Variants in INTS13 observed in about 807,000 individuals in gnomAD.
The protein encoded by INTS13 is asunder, spermatogenesis regulator homolog (Drosphila).
INTS13 carries 35 observed loss-of-function variants against 90.2 expected under a neutral mutation model. The ratio of observed to expected loss-of-function variants is 0.39; its 90% CI spans 0.30 to 0.51. The LOEUF (loss-of-function observed/expected upper bound fraction) is 0.51. Ranked by LOEUF, INTS13 falls within the 20% of genes least tolerant of loss-of-function variation. The probability of loss-of-function intolerance (pLI) is 0.80; values close to 1 mark genes in which losing one functional copy is unlikely to be tolerated. For missense variants in INTS13, 601 were observed against 851.2 expected, an observed-to-expected ratio of 0.71 and a Z score of 3.66; for synonymous variants, 309 against 277.1, an observed-to-expected ratio of 1.11 and a Z score of -1.14.
Position 26,906,419 on chromosome 12 carries a change from GATA to G in INTS13, c.1961_1963del (p.Leu654del). ...AGTATTGATTCTATTACTCCACAAG[GATA>G]ATAACGACACTGGCCCTAGTGTTAT... On this transcript the variant is annotated inframe_deletion, in exon 16 of 17. Transcript: ENST00000261191. 6 of 1,607,126 alleles carry G rather than the reference GATA, an allele frequency of 3.7e-6. No individual in the cohort carries two copies. Among genetic ancestry groups the G allele is most frequent in the South Asian group, 1.1e-5 (1 of 90,202 alleles).
intron 3 of INTS13, among the ~76,000 whole-genome samples, chr12:26,933,111 A>T (rs1007407961): frequency 8.5e-5 from 13 of 152,242 alleles, no homozygotes; most frequent in Non-Finnish European, 1.5e-4. Flanking sequence ...GTATAAGTCA[A>T]AGTTCTTGGA....
At chr12:26,905,609 A>T (rs1951586484) in intron 16 of INTS13, 73 bp from the exon 17 acceptor site, 6 of 1,371,114 alleles carry the variant, frequency 4.4e-6, no homozygotes, top group Non-Finnish European at 5.1e-6. Flanking sequence ...TCTACCTTTC[A>T]CATGAAAATT....
intron 7 of INTS13, among the ~76,000 whole-genome samples, chr12:26,923,870 A>G (rs1299041759): frequency 1.3e-5 from 2 of 152,240 alleles, no homozygotes; most frequent in Non-Finnish European, 2.9e-5. Context: ...AGCAAAATCT[A>G]ATAACACAGC....
chr12:26,937,116 T>A (rs190953314), intron 1 of INTS13, among the ~76,000 whole-genome samples: 5 of 152,376 alleles, frequency 3.3e-5, no homozygotes, highest in African/African-American at 1.2e-4. Flanking sequence ...TGACATTTAA[T>A]TGTATTTGAT....
At chr12:26,934,475 T>G (rs1048070569) in intron 3 of INTS13, 81 bp downstream of exon 3, 16 of 1,043,580 alleles carry the variant, frequency 1.5e-5, no homozygotes, top group Non-Finnish European at 2.4e-5. Context: ...TAGAGTGATT[T>G]AAAAAATTAG....
chr12:26,934,846 G>A (rs1317482125), intron 2 of INTS13, among the ~76,000 whole-genome samples: 2 of 152,192 alleles, frequency 1.3e-5, no homozygotes, highest in Admixed American at 6.5e-5. Context: ...CTCACAATGT[G>A]GGGAAAGTCA....
intron 15 of INTS13, among the ~76,000 whole-genome samples, chr12:26,907,107 A>G (rs1234576887): frequency 2.0e-5 from 3 of 152,222 alleles, no homozygotes; most frequent in Non-Finnish European, 2.9e-5. Flanking sequence ...CAGGCCTGCT[A>G]TGTTAACTCT....
At chr12:26,911,095 A>G (rs1951761787) in intron 15 of INTS13, 83 bp downstream of exon 15, 1 of 1,454,808 alleles carries the variant, frequency 6.9e-7, no homozygotes, top group East Asian at 2.5e-5. Flanking sequence ...TCAGCCTCCC[A>G]AAGTGCTGGG....
chr12:26,917,186 T>C (rs186514419), intron 10 of INTS13, among the ~76,000 whole-genome samples, 166 bp downstream of exon 10: 2 of 152,172 alleles, frequency 1.3e-5, no homozygotes, highest in East Asian at 3.8e-4. Flanking sequence ...TCAAATTACA[T>C]AAGTTTAAAA....
chr12:26,911,158 T>C lies in INTS13; in HGVS notation c.1945+20A>G, dbSNP rs1320474807. On this transcript the variant is annotated intron_variant, in intron 15 of 16. Coordinates refer to ENST00000261191, the MANE Select transcript of INTS13 (RefSeq NM_018164.3). ...CCTGGAAAACTTTTTATAAACCTAG[T>C]TACCACAGCTGTACCTTACCTTTTG... is the stretch of plus-strand genomic sequence containing the variant. The C allele has an allele frequency of 6.3e-7, 1 of 1,597,040 alleles. No individual in the cohort carries two copies.
chr12:26,931,842 T>A (rs1938209216), intron 3 of INTS13, among the ~76,000 whole-genome samples: 1 of 152,110 alleles, frequency 6.6e-6, no homozygotes, highest in African/African-American at 2.4e-5. Context: ...ATCCCAGCAC[T>A]TTGGGTGGCT....
chr12:26,929,080 G>A (rs1938045998), intron 3 of INTS13, 175 bp from the exon 4 acceptor site: 1 of 579,976 alleles, frequency 1.7e-6, no homozygotes, highest in Non-Finnish European at 3.0e-6. Context: ...CCATGAACAA[G>A]TGGGATTTAT....
At chr12:26,910,513 G>A (rs1592197177) in intron 15 of INTS13, among the ~76,000 whole-genome samples, 2 of 152,142 alleles carry the variant, frequency 1.3e-5, no homozygotes, top group South Asian at 4.1e-4. Flanking sequence ...AGATCTGATA[G>A]TTTTATAAGG....
intron 8 of INTS13, 22 bp downstream of exon 8, chr12:26,922,594 A>C: frequency 6.5e-7 from 1 of 1,546,464 alleles, no homozygotes; most frequent in Non-Finnish European, 8.8e-7. Flanking sequence ...CATACAAAAT[A>C]ATACTTTCAA....
At chr12:26,922,568 C>A in intron 8 of INTS13, 48 bp downstream of exon 8, 1 of 1,414,612 alleles carries the variant, frequency 7.1e-7, no homozygotes, top group Non-Finnish European at 9.8e-7. Context: ...CTGTAATATG[C>A]TTTCATATGT....
At chr12:26,925,711 T>C in intron 6 of INTS13, 50 bp downstream of exon 6, 2 of 1,387,990 alleles carry the variant, frequency 1.4e-6, no homozygotes, top group Non-Finnish European at 2.0e-6. Flanking sequence ...TTCTCAGTAT[T>C]TATTATTATT....
At chr12:26,920,710 A>T (rs1176782071) in intron 8 of INTS13, among the ~76,000 whole-genome samples, 1 of 152,222 alleles carries the variant, frequency 6.6e-6, no homozygotes, top group East Asian at 1.9e-4. Flanking sequence ...GTAAGTTTTT[A>T]AAATAACATT....
intron 8 of INTS13, among the ~76,000 whole-genome samples, chr12:26,920,752 G>T (rs796338396): frequency 4.2e-4 from 64 of 152,198 alleles, no homozygotes; most frequent in African/African-American, 1.5e-3. Flanking sequence ...CAGGTTCGTA[G>T]CAATTTCCAT....
Position 26,913,554 on chromosome 12 carries a change from G to A in INTS13, c.1708C>T (p.Arg570Ter), listed in dbSNP as rs773616300. Residue 570 changes from arginine (R) to a stop codon, truncating the protein, a stop_gained, in exon 14 of 17, where the codon CGA becomes TGA. Coordinates refer to ENST00000261191, the MANE Select transcript of INTS13 (RefSeq NM_018164.3). LOFTEE classifies it high-confidence loss of function. ...CRSKPPEEEE[R>*]KKRGRKREDK... Reference sequence around the variant, plus strand: ...TCCCTCTTTCTTCCTCGTTTCTTTCGTTCTTCCTCTTCTGGGGGTTTGCTC... The same window carrying A: ...TCCCTCTTTCTTCCTCGTTTCTTTCATTCTTCCTCTTCTGGGGGTTTGCTC... The A allele has an allele frequency of 1.2e-6, 2 of 1,613,524 alleles. No individual in the cohort carries two copies. Among genetic ancestry groups the A allele is most frequent in the Non-Finnish European group, 8.5e-7 (1 of 1,179,956 alleles).
Sources: gnomAD v4.1 joint callset for allele counts (sites outside exome capture counted in the v4.1 genomes callset) on GRCh38, gnomAD v4.1.1 for gene constraint, MANE v1.5 for transcripts, NCBI Gene and HGNC (gene_info 2026-07-23, HGNC 2026-07-21) for gene names.